ZMAT4: variants seen among roughly 807,000 people sequenced by gnomAD.
The protein encoded by ZMAT4 is zinc finger matrin-type 4.
A neutral mutation model predicts 28.7 loss-of-function variants in ZMAT4; 17 were observed. That is an observed-to-expected ratio of 0.59 (90% CI 0.41 to 0.89). The LOEUF (loss-of-function observed/expected upper bound fraction) is 0.89. Ranked by LOEUF, ZMAT4 falls within the 40% of genes least tolerant of loss-of-function variation. ZMAT4 has a pLI of 0.00. For missense variants in ZMAT4, 240 were observed against 283.8 expected, an observed-to-expected ratio of 0.85 and a Z score of 1.11; for synonymous variants, 117 against 109.2, an observed-to-expected ratio of 1.07 and a Z score of -0.44.
At chr8:40,549,236 A>T (rs1803293826) in intron 6 of ZMAT4, among the ~76,000 whole-genome samples, 1 of 152,112 alleles carries the variant, frequency 6.6e-6, no homozygotes, top group Non-Finnish European at 1.5e-5. Context: ...TGAGAGATAC[A>T]TTTCTGTTCT....
intron 6 of ZMAT4, among the ~76,000 whole-genome samples, chr8:40,558,275 C>A (rs551406658): frequency 6.6e-6 from 1 of 152,056 alleles, no homozygotes; most frequent in East Asian, 1.9e-4. Flanking sequence ...GGATTGCCAG[C>A]GGAGGGGACT....
chr8:40,589,749 T>TTTCTTTCTTTCTTTC lies in ZMAT4; in HGVS notation c.578-8489_578-8488insGAAAGAAAGAAAGAA, dbSNP rs1360070171. Among the ~76,000 whole-genome samples the TTTCTTTCTTTCTTTC allele has an allele frequency of 8.1e-5, 12 of 148,468 alleles. No individual in the cohort carries two copies. In the East Asian group the frequency reaches 2.4e-3, roughly 29 times the overall value. ...TTCCTTTCCTTTCTTTCTTTCTTTCTTTCTTTCTTTCTTTTTCTTTCTTTC... is the reference window on the plus strand; with the variant it reads ...TTCCTTTCCTTTCTTTCTTTCTTTCTTTCTTTCTTTCTTTCTTCTTTCTTTCTTTTTCTTTCTTTC... On this transcript the variant is annotated intron_variant, in intron 5 of 6. Transcript: ENST00000297737.
intron 5 of ZMAT4, among the ~76,000 whole-genome samples, chr8:40,611,417 T>A (rs1375805127): frequency 6.6e-6 from 1 of 152,090 alleles, no homozygotes; most frequent in Non-Finnish European, 1.5e-5. Flanking sequence ...CTCTGCTCAC[T>A]GCAAGCTCCG....
At chr8:40,653,283 T>G (rs1807765521) in intron 5 of ZMAT4, among the ~76,000 whole-genome samples, 1 of 151,858 alleles carries the variant, frequency 6.6e-6, no homozygotes, top group South Asian at 2.1e-4. Context: ...TAACTATAAA[T>G]AAAACATTTA....
chr8:40,893,011 T>G (rs1216179512), intron 1 of ZMAT4, among the ~76,000 whole-genome samples: 3 of 152,220 alleles, frequency 2.0e-5, no homozygotes, highest in Admixed American at 2.0e-4. Flanking sequence ...CTCTTGCTGA[T>G]GGAAAATTCT....
intron 3 of ZMAT4, among the ~76,000 whole-genome samples, chr8:40,762,026 A>G (rs1812961916): frequency 6.6e-6 from 1 of 152,222 alleles, no homozygotes; most frequent in African/African-American, 2.4e-5. Flanking sequence ...CTGGAAGCCA[A>G]ACACACAGCA....
chr8:40,746,954 A>G (rs2150541812), intron 3 of ZMAT4, among the ~76,000 whole-genome samples: 1 of 152,210 alleles, frequency 6.6e-6, no homozygotes, highest in South Asian at 2.1e-4. Flanking sequence ...CTGCAGAAAA[A>G]TTCCCTCATT....
intron 2 of ZMAT4, among the ~76,000 whole-genome samples, chr8:40,782,130 G>A (rs1408845643): frequency 1.3e-5 from 2 of 152,284 alleles, no homozygotes; most frequent in Admixed American, 6.5e-5. Context: ...GCTCACACCT[G>A]TAATCCCAGC....
intron 4 of ZMAT4, among the ~76,000 whole-genome samples, chr8:40,675,656 C>A (rs915162134): frequency 6.6e-6 from 1 of 152,084 alleles, no homozygotes; most frequent in Non-Finnish European, 1.5e-5. Flanking sequence ...CGTTTGTGTG[C>A]TATAAATGTA....
chr8:40,722,879 T>C (rs1811162446), intron 3 of ZMAT4, among the ~76,000 whole-genome samples: 1 of 152,130 alleles, frequency 6.6e-6, no homozygotes, highest in Admixed American at 6.5e-5. Flanking sequence ...ACTCAGAAGT[T>C]AGTCCTCAAC....
chr8:40,882,804 T>G (rs1309300380), intron 1 of ZMAT4, among the ~76,000 whole-genome samples: 3 of 152,204 alleles, frequency 2.0e-5, no homozygotes, highest in African/African-American at 7.2e-5. Context: ...TCTGTGGAGT[T>G]ACCTTGGATT....
chr8:40,721,339 T>C (rs1189292129), intron 3 of ZMAT4, among the ~76,000 whole-genome samples: 3 of 124,012 alleles, frequency 2.4e-5, no homozygotes, highest in Admixed American at 1.8e-4. Context: ...TAGTATTCCA[T>C]GGTGTATATG....
intron 3 of ZMAT4, among the ~76,000 whole-genome samples, chr8:40,734,050 A>G (rs1018220060): frequency 1.3e-5 from 2 of 152,222 alleles, no homozygotes; most frequent in Admixed American, 6.5e-5. Flanking sequence ...GTAAGACTCA[A>G]AGATAGCAGG....
intron 3 of ZMAT4, among the ~76,000 whole-genome samples, chr8:40,755,356 C>T (rs1812635418): frequency 6.6e-6 from 1 of 152,140 alleles, no homozygotes; most frequent in Non-Finnish European, 1.5e-5. Flanking sequence ...ACTCAATTCT[C>T]CCCTTGTGGC....
intron 5 of ZMAT4, among the ~76,000 whole-genome samples, chr8:40,605,236 G>T (rs1171456153): frequency 2.0e-5 from 3 of 152,076 alleles, no homozygotes; most frequent in Non-Finnish European, 4.4e-5. Context: ...GGTCTGGTTT[G>T]TTCTTGTTTC....
chr8:40,616,776 A>G (rs1262124944), intron 5 of ZMAT4, among the ~76,000 whole-genome samples: 1 of 151,946 alleles, frequency 6.6e-6, no homozygotes, highest in Non-Finnish European at 1.5e-5. Context: ...TAGGAGATAT[A>G]CCTAATGCTA....
intron 1 of ZMAT4, among the ~76,000 whole-genome samples, chr8:40,883,747 T>C (rs1756423629): frequency 6.6e-6 from 1 of 152,170 alleles, no homozygotes; most frequent in African/African-American, 2.4e-5. Context: ...AATGGACTCT[T>C]TATTGCCACC....
intron 5 of ZMAT4, among the ~76,000 whole-genome samples, chr8:40,641,833 G>A (rs1585801163): frequency 6.6e-6 from 1 of 152,024 alleles, no homozygotes; most frequent in South Asian, 2.1e-4. Flanking sequence ...ATTAGTCAAA[G>A]GATATAAGGT....
intron 6 of ZMAT4, among the ~76,000 whole-genome samples, chr8:40,578,175 AAG>A (rs1804331192): frequency 6.6e-6 from 1 of 152,168 alleles, no homozygotes; most frequent in Non-Finnish European, 1.5e-5. Flanking sequence ...AGCATAAAAA[AAG>A]AAATATAACA....
Sources: gnomAD v4.1 joint callset for allele counts (sites outside exome capture counted in the v4.1 genomes callset) on GRCh38, gnomAD v4.1.1 for gene constraint, MANE v1.5 for transcripts, NCBI Gene and HGNC (gene_info 2026-07-23, HGNC 2026-07-21) for gene names.